Variants in GNG7 observed in about 807,000 individuals in gnomAD.
GNG7 encodes guanine nucleotide-binding protein G(I)/G(S)/G(O) subunit gamma-7.
A neutral mutation model predicts 4.0 loss-of-function variants in GNG7; 1 was observed. The observed-to-expected ratio is 0.25, with a 90% CI of 0.09 to 1.18. The LOEUF (loss-of-function observed/expected upper bound fraction) is 1.18. Among genes scored for constraint, GNG7 ranks in the 50% most tolerant of loss-of-function variants. GNG7 has a pLI of 0.50. For synonymous variants in GNG7, 34 were observed against 36.9 expected (o/e 0.92, Z 0.29); for missense variants, 86 against 91.9 (o/e 0.94, Z 0.26).
chr19:2,549,815 CTTG>C (rs759494183), intron 3 of GNG7, among the ~76,000 whole-genome samples: 1 of 152,170 alleles, frequency 6.6e-6, no homozygotes, highest in Non-Finnish European at 1.5e-5. Flanking sequence ...AGCCAGCACA[CTTG>C]TTGTGCACAA....
intron 3 of GNG7, among the ~76,000 whole-genome samples, chr19:2,540,363 G>T (rs185410998): frequency 1.3e-5 from 2 of 148,336 alleles, no homozygotes; most frequent in African/African-American, 2.5e-5. Flanking sequence ...TGTTGTCCAG[G>T]CTGGTTTTGA....
rs1020988594 is a variant in GNG7, at chr19:2,513,483, G to T, written c.*1539C>A. On this transcript the variant is annotated 3_prime_UTR_variant, in exon 5 of 5. Coordinates refer to ENST00000382159, the MANE Select transcript of GNG7 (RefSeq NM_052847.3). Reference sequence around the variant, plus strand: ...GGCTGCACCTGCTCCCGTCCGTGCCGCAGAGGAGGACGCAGTCATCTTTCA... The same window carrying T: ...GGCTGCACCTGCTCCCGTCCGTGCCTCAGAGGAGGACGCAGTCATCTTTCA... The T allele has an allele frequency of 8.1e-6, 8 of 983,130 alleles. No individual in the cohort carries two copies. The highest frequency in any genetic ancestry group is 8.5e-6 in the Non-Finnish European group (7 of 827,838). The allele number at this position is 983,130 out of a possible 1,614,324, so 60.9% of individuals were successfully genotyped here. A position where few individuals can be genotyped will look rare whatever the true frequency, so the allele number is the denominator to read the frequency against.
intron 4 of GNG7, among the ~76,000 whole-genome samples, chr19:2,518,175 C>T (rs756272022): frequency 2.6e-5 from 4 of 152,088 alleles, no homozygotes; most frequent in Non-Finnish European, 4.4e-5. Context: ...TGGTTCTGGT[C>T]GCCGCGTTGG....
intron 1 of GNG7, among the ~76,000 whole-genome samples, chr19:2,698,209 G>C (rs531632380): frequency 6.6e-6 from 1 of 150,836 alleles, no homozygotes; most frequent in East Asian, 2.0e-4. Flanking sequence ...AGAGGTTGCA[G>C]TGAGCCGAGA....
At chr19:2,545,554 G>A (rs1387918463) in intron 3 of GNG7, among the ~76,000 whole-genome samples, 1 of 151,552 alleles carries the variant, frequency 6.6e-6, no homozygotes, top group Non-Finnish European at 1.5e-5. Flanking sequence ...AGGAGGCTGA[G>A]GCAGGAGAAT....
rs1187971687 is a variant in GNG7, at chr19:2,618,593, C to T, written c.-78+27631G>A. ...CGAACTCCTGACCTCAAATGATCCA[C>T]CCGCCTCGGCCTCCCAAAGTGCTGG... On this transcript the variant is annotated intron_variant, in intron 2 of 4. Transcript: ENST00000382159. The surrounding 1 kb of genome is among the most constrained non-coding windows in gnomAD (Gnocchi z 5.1). 2.6e-5 allele frequency among the ~76,000 whole-genome samples: 4 copies of T among 152,086 alleles called. No homozygotes were observed. The highest frequency in any genetic ancestry group is 9.7e-5 in the African/African-American group (4 of 41,418).
At chr19:2,696,338 G>GAAAGAAAGA (rs1339996899) in intron 1 of GNG7, among the ~76,000 whole-genome samples, 3 of 123,076 alleles carry the variant, frequency 2.4e-5, no homozygotes, top group Middle Eastern at 4.0e-3. Context: ...AAGAAAGAAA[G>GAAAGAAAGA]AAAGAAAGAA....
At chr19:2,524,121 A>AG (rs1409591786) in intron 3 of GNG7, among the ~76,000 whole-genome samples, 2 of 152,220 alleles carry the variant, frequency 1.3e-5, no homozygotes, top group Non-Finnish European at 2.9e-5. Flanking sequence ...TTGGAAGGCC[A>AG]GGGGGTCCTA....
Position 2,686,439 on chromosome 19 carries a change from T to C in GNG7, c.-135+16207A>G, listed in dbSNP as rs551281566. ...TCCCAAAGTGCTGGGATTATAGGCGTGAGCCACCGTACCCGGCCTCCCCCC... is the reference window on the plus strand; with the variant it reads ...TCCCAAAGTGCTGGGATTATAGGCGCGAGCCACCGTACCCGGCCTCCCCCC... On this transcript the variant is annotated intron_variant, in intron 1 of 4. Transcript: ENST00000382159. 5.4e-4 allele frequency among the ~76,000 whole-genome samples: 82 copies of C among 152,244 alleles called. 1 individual carries two copies. Among genetic ancestry groups the C allele is most frequent in the African/African-American group, 1.9e-3 (79 of 41,540 alleles).
At chr19:2,544,811 CA>C (rs1239648759) in intron 3 of GNG7, among the ~76,000 whole-genome samples, 1 of 151,926 alleles carries the variant, frequency 6.6e-6, no homozygotes, top group Non-Finnish European at 1.5e-5. Flanking sequence ...GGGTGGAGGC[CA>C]GGGGCGCTGC....
At chr19:2,547,753 T>A (rs1647592299) in intron 3 of GNG7, among the ~76,000 whole-genome samples, 1 of 152,118 alleles carries the variant, frequency 6.6e-6, no homozygotes, top group Admixed American at 6.5e-5. Context: ...ACAAAGGGTG[T>A]TACTTCCTGG....
intron 2 of GNG7, among the ~76,000 whole-genome samples, chr19:2,637,230 C>G (rs1982338039): frequency 1.3e-5 from 2 of 151,922 alleles, no homozygotes; most frequent in Admixed American, 6.6e-5. Flanking sequence ...CCCCCGAGCC[C>G]GGCCCGTCTT....
intron 2 of GNG7, among the ~76,000 whole-genome samples, chr19:2,608,034 G>A (rs1242054109): frequency 2.3e-5 from 3 of 131,580 alleles, no homozygotes; most frequent in African/African-American, 8.8e-5. Flanking sequence ...GAGATCAGAA[G>A]ATCAGATGGT....
chr19:2,644,085 A>G (rs542647104), intron 2 of GNG7, among the ~76,000 whole-genome samples: 5 of 151,946 alleles, frequency 3.3e-5, no homozygotes, highest in East Asian at 1.9e-4. Flanking sequence ...CAGTGGCGCA[A>G]TCTCAGCTCA....
chr19:2,624,484 T>C (rs971778716), intron 2 of GNG7, among the ~76,000 whole-genome samples: 13 of 148,164 alleles, frequency 8.8e-5, no homozygotes, highest in African/African-American at 7.5e-5. Flanking sequence ...TGAGCCGAGA[T>C]TGTGCCACTT....
chr19:2,636,697 T>A (rs1237071635), intron 2 of GNG7, among the ~76,000 whole-genome samples: 1 of 152,054 alleles, frequency 6.6e-6, no homozygotes, highest in Non-Finnish European at 1.5e-5. Flanking sequence ...AGGCTCTGAG[T>A]GTGCCCACAG....
In GNG7 at chr19:2,512,192, TC is replaced by T; in HGVS notation, c.*2829del. 2.0e-6 allele frequency: 2 copies of T among 985,750 alleles called. No individual in the cohort carries two copies. Among genetic ancestry groups the T allele is most frequent in the Non-Finnish European group, 2.4e-6 (2 of 829,948 alleles). 61.1% of individuals were successfully genotyped at this position (985,750 alleles called of 1,614,324 possible). A position where few individuals can be genotyped will look rare whatever the true frequency, so the allele number is the denominator to read the frequency against. ...GCTGCTGCCACCCCCGCCCGCCAGC[TC>T]CCCGTCTGGAGGTGCACGCGCGCTC... On this transcript the variant is annotated 3_prime_UTR_variant, in exon 5 of 5. Transcript: ENST00000382159. The surrounding 1 kb of genome is among the most constrained non-coding windows in gnomAD (Gnocchi z 4.7).
At chr19:2,628,440 T>C (rs1156602188) in intron 2 of GNG7, among the ~76,000 whole-genome samples, 1 of 152,158 alleles carries the variant, frequency 6.6e-6, no homozygotes, top group Non-Finnish European at 1.5e-5. Flanking sequence ...CACAGGCAGC[T>C]CACGACATAG....
intron 2 of GNG7, among the ~76,000 whole-genome samples, chr19:2,572,686 T>C (rs769160097): frequency 6.7e-6 from 1 of 150,280 alleles, no homozygotes; most frequent in Non-Finnish European, 1.5e-5. Flanking sequence ...CTTGAATTCC[T>C]GGGCTCAAGC....
Sources: gnomAD v4.1 joint callset for allele counts (sites outside exome capture counted in the v4.1 genomes callset) on GRCh38, gnomAD v4.1.1 for gene constraint, Gnocchi (gnomAD v3.1) non-coding constraint, MANE v1.5 for transcripts, NCBI Gene and HGNC (gene_info 2026-07-23, HGNC 2026-07-21) for gene names.